Variants in ACKR3 observed in about 807,000 individuals in gnomAD.
ACKR3 encodes atypical chemokine receptor 3, also known as C-X-C chemokine receptor type 7.
In ACKR3, 6 loss-of-function variants were observed where a neutral mutation model predicts 22.4. The ratio of observed to expected loss-of-function variants is 0.27; its 90% CI spans 0.15 to 0.53. The LOEUF (loss-of-function observed/expected upper bound fraction) is 0.53. ACKR3 is among the 20% of genes least tolerant of loss of function. The pLI, the probability that ACKR3 is intolerant of heterozygous loss-of-function variation, is 0.96. For synonymous variants in ACKR3, 209 were observed against 205.2 expected, an observed-to-expected ratio of 1.02 and a Z score of -0.16; for missense variants, 396 against 475.2, an observed-to-expected ratio of 0.83 and a Z score of 1.55.
the ACKR3 span, among the ~76,000 whole-genome samples, chr2:236,548,738 G>C: frequency 6.6e-6 from 1 of 152,208 alleles, no homozygotes; most frequent in South Asian, 2.1e-4. The surrounding 1 kb of genome is among the most constrained non-coding windows in gnomAD (Gnocchi z 4.3). Flanking sequence ...TGTTTGAAGA[G>C]AGTTGCAGAT....
chr2:236,576,333 G>A (rs567636897), intron 1 of ACKR3, among the ~76,000 whole-genome samples: 167 of 152,342 alleles, frequency 1.1e-3, no homozygotes, highest in African/African-American at 3.8e-3. Flanking sequence ...AGATCTGTGC[G>A]GAATGCAGTC....
the ACKR3 span, among the ~76,000 whole-genome samples, chr2:236,548,512 C>T: frequency 2.1e-4 from 32 of 152,246 alleles, 1 homozygote; most frequent in Non-Finnish European, 1.5e-5. This position sits in a 1 kb window ranked among gnomAD's most constrained non-coding sequence, Gnocchi z 4.3. Flanking sequence ...TTTTCACCAT[C>T]TCCCTCGTTA....
At chr2:236,552,052 T>C in the ACKR3 span, among the ~76,000 whole-genome samples, 1 of 152,194 alleles carries the variant, frequency 6.6e-6, no homozygotes, top group Non-Finnish European at 1.5e-5. Context: ...AAACCTGGTC[T>C]CTACCCCCGT....
upstream of ACKR3, among the ~76,000 whole-genome samples, chr2:236,568,046 G>T (rs1691224911): frequency 6.6e-6 from 1 of 152,200 alleles, no homozygotes; most frequent in Non-Finnish European, 1.5e-5. Flanking sequence ...GGCCCCGGAC[G>T]CACGAAGCGG....
At chr2:236,578,945 C>T (rs10179774) in intron 1 of ACKR3, among the ~76,000 whole-genome samples, 24,715 of 152,228 alleles carry the variant, frequency 0.16, 2,105 homozygotes, top group Middle Eastern at 0.2. Context: ...AAGGGGGTGA[C>T]GTTTTATTGA....
the ACKR3 span, among the ~76,000 whole-genome samples, chr2:236,554,920 G>T: frequency 6.6e-6 from 1 of 152,242 alleles, no homozygotes; most frequent in African/African-American, 2.4e-5. Context: ...GAGAGGAGGT[G>T]AGTCGATAAG....
At position 236,577,727 on chromosome 2, in the gene ACKR3, A is replaced by G. The variant is rs1456631564; in HGVS notation, c.-26-2713A>G. ...ATGGTGGGGGAGAGAGGTGGGGCGG[A>G]TTCGGGATCCAAGTTCGGGCGAACA... On this transcript the variant is annotated intron_variant, in intron 1 of 1. Coordinates refer to ENST00000272928, the MANE Select transcript of ACKR3 (RefSeq NM_020311.3). This position sits in a 1 kb window ranked among gnomAD's most constrained non-coding sequence, Gnocchi z 5.6. Among the ~76,000 whole-genome samples the G allele has an allele frequency of 1.3e-5, 2 of 152,152 alleles. No individual in the cohort carries two copies. The highest frequency in any genetic ancestry group is 2.9e-5 in the Non-Finnish European group (2 of 68,022).
chr2:236,566,945 GCCTGCCTT>G (rs1403477530), upstream of ACKR3, among the ~76,000 whole-genome samples: 583 of 135,698 alleles, frequency 4.3e-3, 5 homozygotes, highest in African/African-American at 0.017. Flanking sequence ...CTGCCTGCCT[GCCTGCCTT>G]CCTTCCTTCC....
upstream of ACKR3, among the ~76,000 whole-genome samples, chr2:236,566,718 C>CCCTCCCTTCCTTCCTTCCTT (rs1553634520): frequency 5.2e-5 from 6 of 114,490 alleles, no homozygotes; most frequent in Admixed American, 1.8e-4. Context: ...TCCTTTCCTT[C>CCCTCCCTTCCTTCCTTCCTT]CCTTCCTTCC....
At chr2:236,571,455 TA>T (rs1454915326) in intron 1 of ACKR3, among the ~76,000 whole-genome samples, 1 of 152,048 alleles carries the variant, frequency 6.6e-6, no homozygotes, top group African/African-American at 2.4e-5. Flanking sequence ...GACGTAGTTT[TA>T]AAAAAGTTCC....
the ACKR3 span, among the ~76,000 whole-genome samples, chr2:236,554,130 C>A: frequency 6.6e-6 from 1 of 152,294 alleles, no homozygotes; most frequent in African/African-American, 2.4e-5. Context: ...GCTCTGATAT[C>A]TGCCCCTCTC....
the ACKR3 span, among the ~76,000 whole-genome samples, chr2:236,545,925 AGT>A: frequency 1.3e-5 from 2 of 152,240 alleles, no homozygotes; most frequent in African/African-American, 4.8e-5. This position sits in a 1 kb window ranked among gnomAD's most constrained non-coding sequence, Gnocchi z 5.3. Context: ...CCAACTTTAA[AGT>A]CTGCGAGAAA....
chr2:236,561,996 C>A, the ACKR3 span, among the ~76,000 whole-genome samples: 28 of 152,308 alleles, frequency 1.8e-4, no homozygotes, highest in African/African-American at 5.8e-4. Flanking sequence ...GCTAGAGATT[C>A]TAGTACACTG....
chr2:236,551,232 C>A, the ACKR3 span, among the ~76,000 whole-genome samples: 10 of 152,230 alleles, frequency 6.6e-5, no homozygotes, highest in Admixed American at 5.9e-4. Context: ...TGCATATGGG[C>A]ACAGCCAGGA....
rs773796963 is a variant in ACKR3, at chr2:236,581,376, C to T, written c.911C>T (p.Ser304Leu). 9 of 1,613,934 alleles carry T rather than the reference C, an allele frequency of 5.6e-6. No homozygotes were observed. Among genetic ancestry groups the T allele is most frequent in the East Asian group, 2.2e-5 (1 of 44,884 alleles). ...GCCCTGCATGTCACACAGTGCCTGT[C>T]GCTGGTGCACTGCTGCGTCAACCCT... ...FTALHVTQCL[S>L]LVHCCVNPVL... is the part of the protein sequence containing the mutation. Residue 304 changes from serine to leucine, a missense_variant, in exon 2 of 2, where the codon TCG (serine) becomes TTG (leucine). Coordinates refer to ENST00000272928, the MANE Select transcript of ACKR3 (RefSeq NM_020311.3). This position sits in a 1 kb window ranked among gnomAD's most constrained non-coding sequence, Gnocchi z 4.4.
intron 1 of ACKR3, among the ~76,000 whole-genome samples, chr2:236,571,631 A>C (rs868665513): frequency 3.3e-5 from 5 of 151,408 alleles, no homozygotes; most frequent in South Asian, 2.1e-4. Flanking sequence ...AAAAAAAAAA[A>C]AAAAAAAAAA....
At chr2:236,566,726 T>TC (rs772819154), upstream of ACKR3, among the ~76,000 whole-genome samples, 7 of 142,370 alleles carry the variant, frequency 4.9e-5, no homozygotes, top group African/African-American at 1.8e-4. Flanking sequence ...TTCCCTTCCT[T>TC]CCTTCCTTCC....
At chr2:236,557,101 T>C in the ACKR3 span, among the ~76,000 whole-genome samples, 1 of 152,142 alleles carries the variant, frequency 6.6e-6, no homozygotes, top group Non-Finnish European at 1.5e-5. Context: ...ACGAGGACAA[T>C]GGAAGCTAGG....
upstream of ACKR3, among the ~76,000 whole-genome samples, chr2:236,568,351 G>A (rs1691232891): frequency 6.6e-6 from 1 of 152,242 alleles, no homozygotes; most frequent in Non-Finnish European, 1.5e-5. Context: ...CCACAAGAAA[G>A]AAACAGGACA....
Sources: gnomAD v4.1 joint callset for allele counts (sites outside exome capture counted in the v4.1 genomes callset) on GRCh38, gnomAD v4.1.1 for gene constraint, Gnocchi (gnomAD v3.1) non-coding constraint, MANE v1.5 for transcripts, NCBI Gene and HGNC (gene_info 2026-07-23, HGNC 2026-07-21) for gene names.